COL27A1: variants seen among roughly 807,000 people sequenced by gnomAD.
COL27A1 encodes the protein collagen alpha-1(XXVII) chain.
A neutral mutation model predicts 251.3 loss-of-function variants in COL27A1; 106 were observed. That is an observed-to-expected ratio of 0.42 (90% CI 0.36 to 0.50). The LOEUF is 0.50. COL27A1 is among the 20% of genes least tolerant of loss of function. The pLI is 0.00. For missense variants in COL27A1, 2,325 were observed against 2,522.8 expected, an observed-to-expected ratio of 0.92 and a Z score of 1.68; for synonymous variants, 1,000 against 986.3, an observed-to-expected ratio of 1.01 and a Z score of -0.26.
intron 17 of COL27A1, among the ~76,000 whole-genome samples, chr9:114,236,540 C>T (rs542496469): frequency 4.7e-4 from 71 of 152,304 alleles, no homozygotes; most frequent in Middle Eastern, 3.4e-3. Context: ...GGAACTCTCC[C>T]GGCCAGTCAA....
At chr9:114,182,681 C>T (rs1001682063) in intron 4 of COL27A1, among the ~76,000 whole-genome samples, 1 of 152,180 alleles carries the variant, frequency 6.6e-6, no homozygotes, top group African/African-American at 2.4e-5. Flanking sequence ...GCTCCGAGGT[C>T]AAGGTCCAGC....
chr9:114,172,554 C>G (rs1251340946), intron 3 of COL27A1, among the ~76,000 whole-genome samples: 1 of 152,142 alleles, frequency 6.6e-6, no homozygotes, highest in Non-Finnish European at 1.5e-5. Context: ...ACCTATAATC[C>G]CAGCACTTTG....
intron 14 of COL27A1, among the ~76,000 whole-genome samples, chr9:114,223,117 G>A (rs1831230212): frequency 6.6e-6 from 1 of 152,160 alleles, no homozygotes; most frequent in Non-Finnish European, 1.5e-5. Flanking sequence ...AGTGGAATGA[G>A]TGTTAACCTT....
At chr9:114,208,961 C>A (rs546750994) in intron 10 of COL27A1, among the ~76,000 whole-genome samples, 1 of 152,098 alleles carries the variant, frequency 6.6e-6, no homozygotes, top group South Asian at 2.1e-4. Flanking sequence ...AGGGAAGAGC[C>A]CCAGAATGGT....
At chr9:114,213,580 T>G (rs28578933) in intron 12 of COL27A1, among the ~76,000 whole-genome samples, 2,022 of 152,254 alleles carry the variant, frequency 0.013, 48 homozygotes, top group African/African-American at 0.045. Context: ...AGCTCAAATT[T>G]TAAGGGTAGA....
At chr9:114,302,625 T>C (rs1271850632) in intron 56 of COL27A1, among the ~76,000 whole-genome samples, 1 of 150,874 alleles carries the variant, frequency 6.6e-6, no homozygotes, top group Non-Finnish European at 1.5e-5. Flanking sequence ...ACAGGAGAGG[T>C]TGAACCCGGG....
intron 56 of COL27A1, among the ~76,000 whole-genome samples, chr9:114,304,337 C>T (rs930291161): frequency 1.3e-5 from 2 of 152,206 alleles, no homozygotes; most frequent in Admixed American, 6.5e-5. Flanking sequence ...GGAGACATGG[C>T]TCAAGACCAC....
intron 49 of COL27A1, among the ~76,000 whole-genome samples, chr9:114,299,839 G>C (rs142914892): frequency 2.0e-5 from 3 of 152,206 alleles, no homozygotes; most frequent in Non-Finnish European, 2.9e-5. Context: ...TGGAATCCCT[G>C]AGCCGGGCTC....
At chr9:114,240,337 C>T in intron 20 of COL27A1, 64 bp downstream of exon 20, 1 of 1,580,200 alleles carries the variant, frequency 6.3e-7, no homozygotes, top group Non-Finnish European at 8.6e-7. Flanking sequence ...ACCACAGGGG[C>T]TGGCTGCCTG....
chr9:114,212,510 G>T (rs912005620), intron 12 of COL27A1, among the ~76,000 whole-genome samples: 3 of 152,224 alleles, frequency 2.0e-5, no homozygotes, highest in African/African-American at 7.2e-5. Flanking sequence ...ATGAAGGTTA[G>T]GTAGTGCTGA....
chr9:114,295,367 A>G (rs1394947047), intron 49 of COL27A1, among the ~76,000 whole-genome samples: 2 of 152,250 alleles, frequency 1.3e-5, no homozygotes, highest in African/African-American at 4.8e-5. Flanking sequence ...ATTTCTTCAA[A>G]TTGGTGTATT....
At chr9:114,213,900 C>A (rs909842785) in intron 12 of COL27A1, among the ~76,000 whole-genome samples, 2 of 152,156 alleles carry the variant, frequency 1.3e-5, no homozygotes, top group South Asian at 4.1e-4. Context: ...TCATGACAGG[C>A]GTGTTGTTCC....
rs371650451 is a variant in COL27A1, at chr9:114,205,153, G to C, written c.2169+7G>C. 3 of 1,610,384 alleles carry C rather than the reference G, an allele frequency of 1.9e-6. No individual in the cohort carries two copies. In the African/African-American group the frequency reaches 4.0e-5, roughly 22 times the overall value. ...AGGGCACCCCGGAGAACAGGTGAGG[G>C]CCTCAGCCTCAGCCCTGCCCTGGTC... On this transcript the variant is annotated splice_region_variant and intron_variant, in intron 8 of 60. Transcript: ENST00000356083.
At chr9:114,265,145 G>C in intron 31 of COL27A1, 35 bp downstream of exon 31, 1 of 779,324 alleles carries the variant, frequency 1.3e-6, no homozygotes, top group Non-Finnish European at 2.0e-6. Flanking sequence ...TCTCTACATG[G>C]GGCTTTTGAT....
chr9:114,265,001 C>T (rs1170022912), intron 30 of COL27A1, 33 bp downstream of exon 30: 1 of 1,612,430 alleles, frequency 6.2e-7, no homozygotes, highest in Admixed American at 1.7e-5. Context: ...AGGCCAGCTG[C>T]AGGCCCCCTC....
intron 14 of COL27A1, among the ~76,000 whole-genome samples, chr9:114,227,775 T>A (rs7022831): frequency 0.1 from 15,708 of 152,060 alleles, 1,035 homozygotes; most frequent in African/African-American, 0.19. Flanking sequence ...TGGAAACAGG[T>A]TCCAAATTAA....
At chr9:114,280,702 TG>T (rs146132366) in intron 37 of COL27A1, among the ~76,000 whole-genome samples, 12,044 of 152,224 alleles carry the variant, frequency 0.079, 603 homozygotes, top group Non-Finnish European at 0.1. Flanking sequence ...GGCACTGGGT[TG>T]CAGGCAGTCT....
rs143116430 is a variant in COL27A1, at chr9:114,196,864, A to G, written c.2124+852A>G. On this transcript the variant is annotated intron_variant, in intron 7 of 60. Transcript: ENST00000356083. ...TGTGTCTCCCTTCCTTCAAGACTCT[A>G]CTCTAGTTGTGCCTACTCCAGGAAG... Among the ~76,000 whole-genome samples, 199 of 151,392 alleles carry G rather than the reference A, an allele frequency of 1.3e-3. 2 individuals carry two copies. In the Middle Eastern group the frequency reaches 0.031, roughly 23 times the overall value.
chr9:114,188,002 A>G (rs1053420270), intron 5 of COL27A1, among the ~76,000 whole-genome samples: 1 of 152,170 alleles, frequency 6.6e-6, no homozygotes, highest in Non-Finnish European at 1.5e-5. Context: ...CAAGCCCCAA[A>G]TTGGGGATTA....
Sources: allele counts gnomAD v4.1 joint callset (sites outside exome capture counted in the v4.1 genomes callset), GRCh38; gene constraint gnomAD v4.1.1; transcripts MANE v1.5; gene names NCBI Gene and HGNC (gene_info 2026-07-23, HGNC 2026-07-21).